BSX: variants seen among roughly 807,000 people sequenced by gnomAD.
BSX encodes brain-specific homeobox protein homolog.
In BSX, 12 loss-of-function variants were observed where a neutral mutation model predicts 16.9. The observed-to-expected ratio is 0.71, with a 90% confidence interval of 0.46 to 1.15. The LOEUF (loss-of-function observed/expected upper bound fraction) is 1.15. Ranked by LOEUF, BSX falls within the 50% of genes most tolerant of loss-of-function variation. The pLI, the probability that BSX is intolerant of heterozygous loss-of-function variation, is 0.00. For synonymous variants in BSX, 160 were observed against 136.4 expected (o/e 1.17, Z -1.20); for missense variants, 292 against 311.8 (o/e 0.94, Z 0.48).
At position 122,979,376 on chromosome 11, in the gene BSX, G is replaced by A. The variant is rs1223340807; in HGVS notation, c.344C>T (p.Thr115Met). The A allele has an allele frequency of 5.0e-6, 8 of 1,613,996 alleles. No individual in the cohort carries two copies. In the South Asian group the frequency reaches 5.5e-5, roughly 11 times the overall value. ...GKHCRRRKAR[T>M]VFSDSQLSGL... ...CGAGAGCTGCGAGTCAGAGAAAACC[G>A]TGCGGGCTTTGCGGCGGCGGCAGTG... Residue 115 changes from threonine to methionine, a missense_variant, in exon 2 of 3, where the codon ACG becomes ATG. Transcript: ENST00000343035.
intron 2 of BSX, among the ~76,000 whole-genome samples, chr11:122,978,342 G>A (rs1210099193): frequency 2.6e-5 from 4 of 152,212 alleles, no homozygotes; most frequent in African/African-American, 9.6e-5. Context: ...TCCGGGTAGA[G>A]ACTATGAAAG....
chr11:122,977,894 G>A lies in BSX; in HGVS notation c.460-3C>T. On this transcript the variant is annotated splice_polypyrimidine_tract_variant and splice_region_variant and intron_variant, in intron 2 of 2. Coordinates refer to ENST00000343035, the MANE Select transcript of BSX (RefSeq NM_001098169.2). This position sits in a 1 kb window ranked among gnomAD's most constrained non-coding sequence, Gnocchi z 4.5. ...CGGTTCTGGAACCACGTTTTCACCTGATTTCGGGGAGATAAAAATAAAATC... is the reference window on the plus strand; with the variant it reads ...CGGTTCTGGAACCACGTTTTCACCTAATTTCGGGGAGATAAAAATAAAATC... The A allele has an allele frequency of 6.2e-7, 1 of 1,613,282 alleles. No individual in the cohort carries two copies. Among genetic ancestry groups the A allele is most frequent in the Non-Finnish European group, 8.5e-7 (1 of 1,179,906 alleles).
intron 2 of BSX, among the ~76,000 whole-genome samples, chr11:122,978,489 G>A (rs762163865): frequency 3.8e-4 from 58 of 152,098 alleles, no homozygotes; most frequent in Non-Finnish European, 6.5e-4. Flanking sequence ...TGGAGCGGAG[G>A]TGCATGTGAA....
rs768352666 is a variant in BSX, at chr11:122,979,447, G to C, written c.273C>G (p.Val91=). 2 of 1,611,834 alleles carry C rather than the reference G, an allele frequency of 1.2e-6. No individual in the cohort carries two copies. Among genetic ancestry groups the C allele is most frequent in the South Asian group, 2.2e-5 (2 of 90,992 alleles). Residue 91 remains valine (V), a synonymous_variant, in exon 2 of 3, where the codon GTC becomes GTG. Coordinates refer to ENST00000343035, the MANE Select transcript of BSX (RefSeq NM_001098169.2). ...PYFLTTSGMP[V]PALFPHPQHA... The stretch of plus-strand genomic sequence containing the variant: ...GCTGCGGGTGCGGGAACAGCGCTGG[G>C]ACTGGCATCCCTGCAGAGAGAAGAG...
In BSX at chr11:122,981,406, T is replaced by C; in HGVS notation, c.262+4A>G. The C allele has an allele frequency of 1.3e-6, 2 of 1,518,458 alleles. No homozygotes were observed. Among genetic ancestry groups the C allele is most frequent in the Non-Finnish European group, 8.9e-7 (1 of 1,126,514 alleles). The allele number at this position is 1,518,458 out of a possible 1,614,324, so 94.1% of individuals were successfully genotyped here. A position where few individuals can be genotyped will look rare whatever the true frequency, so the allele number is the denominator to read the frequency against. ...GCCCATACCTTGAGGTTCCTGTTAC[T>C]TACCCGAGGTGGTGAGGAAATAAGG... On this transcript the variant is annotated splice_donor_region_variant and intron_variant, in intron 1 of 2. Transcript: ENST00000343035.
chr11:122,980,944 G>A (rs1481996454), intron 1 of BSX, among the ~76,000 whole-genome samples: 1 of 152,088 alleles, frequency 6.6e-6, no homozygotes, highest in Non-Finnish European at 1.5e-5. Context: ...CAAATGCTCA[G>A]TGCCTGGAAA....
intron 1 of BSX, among the ~76,000 whole-genome samples, chr11:122,980,619 G>T (rs1864557916): frequency 6.6e-6 from 1 of 152,110 alleles, no homozygotes; most frequent in Admixed American, 6.5e-5. Flanking sequence ...AAAAACCATG[G>T]ATGTGGCCTT....
intron 2 of BSX, among the ~76,000 whole-genome samples, chr11:122,978,737 CT>C (rs1458594329): frequency 6.8e-6 from 1 of 146,276 alleles, no homozygotes; most frequent in East Asian, 2.0e-4. Context: ...AGAAATTTTG[CT>C]TGGGTAAGTA....
chr11:122,979,208 G>A, intron 2 of BSX, 53 bp downstream of exon 2: 2 of 1,519,806 alleles, frequency 1.3e-6, no homozygotes, highest in East Asian at 2.3e-5. Flanking sequence ...ATTAAGACTT[G>A]AAGGCAGAGA....
Position 122,981,782 on chromosome 11 carries a change from CG to C in BSX, c.-112del, listed in dbSNP as rs1565348719. 5.3e-5 allele frequency: 61 copies of C among 1,160,132 alleles called. No individual in the cohort carries two copies. The highest frequency in any genetic ancestry group is 3.9e-4 in the South Asian group (25 of 63,292). The allele number at this position is 1,160,132 out of a possible 1,614,324, so 71.9% of individuals were successfully genotyped here. A position where few individuals can be genotyped will look rare whatever the true frequency, so the allele number is the denominator to read the frequency against. On this transcript the variant is annotated 5_prime_UTR_variant, in exon 1 of 3. Transcript: ENST00000343035. Reference sequence around the variant, plus strand: ...AACCACCCTCCGAGGCTCGAATCTCCGCTGCTCTCTCCCGGGCCTGGGCTAC... The same window carrying C: ...AACCACCCTCCGAGGCTCGAATCTCCCTGCTCTCTCCCGGGCCTGGGCTAC...
chr11:122,981,429 A>C lies in BSX; in HGVS notation c.243T>G (p.Pro81=). The C allele has an allele frequency of 6.5e-7, 1 of 1,544,134 alleles. No individual in the cohort carries two copies. The highest frequency in any genetic ancestry group is 8.8e-7 in the Non-Finnish European group (1 of 1,140,248). ...ACTTACCCGAGGTGGTGAGGAAATA[A>C]GGATGATGGTGGTCTCCCTTATGCA... ...HPLHKGDHHH[P]YFLTTSGMPV... is the part of the protein sequence containing the mutation. Residue 81 remains proline (P), a synonymous_variant, in exon 1 of 3, where the codon CCT becomes CCG. Coordinates refer to ENST00000343035, the MANE Select transcript of BSX (RefSeq NM_001098169.2).
Position 122,977,936 on chromosome 11 carries a change from T to A in BSX, c.460-45A>T. 6.2e-7 allele frequency: 1 copy of A among 1,607,044 alleles called. No individual in the cohort carries two copies. Among genetic ancestry groups the A allele is most frequent in the East Asian group, 2.2e-5 (1 of 44,862 alleles). On this transcript the variant is annotated intron_variant, in intron 2 of 2. Transcript: ENST00000343035. This position sits in a 1 kb window ranked among gnomAD's most constrained non-coding sequence, Gnocchi z 4.5. Reference sequence around the variant, plus strand: ...AATAAAATCATGTCATTCCTCCAAATCTGAGCCATCGCTGGGGTTTAGGAA... The same window carrying A: ...AATAAAATCATGTCATTCCTCCAAAACTGAGCCATCGCTGGGGTTTAGGAA...
chr11:122,979,459 T>C lies in BSX; in HGVS notation c.263-2A>G. ...GGAACAGCGCTGGGACTGGCATCCC[T>C]GCAGAGAGAAGAGCAACCAAGTGGG... is the stretch of plus-strand genomic sequence containing the variant. On this transcript the variant is annotated splice_acceptor_variant, in intron 1 of 2. Coordinates refer to ENST00000343035, the MANE Select transcript of BSX (RefSeq NM_001098169.2). LOFTEE classifies it high-confidence loss of function. 6.2e-7 allele frequency: 1 copy of C among 1,608,806 alleles called. No individual in the cohort carries two copies. The highest frequency in any genetic ancestry group is 2.2e-5 in the East Asian group (1 of 44,808).
At chr11:122,981,322 G>T in intron 1 of BSX, 88 bp downstream of exon 1, 1 of 1,304,046 alleles carries the variant, frequency 7.7e-7, no homozygotes, top group Non-Finnish European at 1.0e-6. Context: ...AGCCAGTCTG[G>T]CCTTTCCTTG....
chr11:122,977,772 C>T lies in BSX; in HGVS notation c.579G>A (p.Glu193=). 7 of 1,613,496 alleles carry T rather than the reference C, an allele frequency of 4.3e-6. No homozygotes were observed. Among genetic ancestry groups the T allele is most frequent in the Non-Finnish European group, 5.9e-6 (7 of 1,179,706 alleles). Residue 193 remains glutamate, a synonymous_variant, in exon 3 of 3, where the codon GAG becomes GAA. Coordinates refer to ENST00000343035, the MANE Select transcript of BSX (RefSeq NM_001098169.2). The surrounding 1 kb of genome is among the most constrained non-coding windows in gnomAD (Gnocchi z 4.5). ...ESPEGSPRGS[E]AATAAEARLS... Reference sequence around the variant, plus strand: ...GCCGAGCCTCGGCGGCGGTGGCGGCCTCTGAACCGCGGGGGCTGCCCTCGG... The same window carrying T: ...GCCGAGCCTCGGCGGCGGTGGCGGCTTCTGAACCGCGGGGGCTGCCCTCGG...
At position 122,981,569 on chromosome 11, in the gene BSX, C is replaced by G; in HGVS notation, c.103G>C (p.Glu35Gln). Reference protein sequence around the residue: ...ILLHKPKPLREVAPDHFASSL... With the variant: ...ILLHKPKPLRQVAPDHFASSL... ...CTGGCGAAATGGTCTGGGGCCACCT[C>G]TCTCAGCGGCTTGGGCTTGTGCAGC... is the stretch of plus-strand genomic sequence containing the variant. The change falls in exon 1 of 3, where the codon GAG becomes CAG. Residue 35 changes from glutamate (E) to glutamine (Q), a missense_variant. Physicochemically the swap from Glu to Gln is conservative, Grantham distance 29 (BLOSUM62 2). Transcript: ENST00000343035. 6.2e-7 allele frequency: 1 copy of G among 1,600,348 alleles called. No individual in the cohort carries two copies. The highest frequency in any genetic ancestry group is 8.5e-7 in the Non-Finnish European group (1 of 1,173,542).
chr11:122,978,949 G>A (rs1480354409), intron 2 of BSX, among the ~76,000 whole-genome samples: 1 of 151,720 alleles, frequency 6.6e-6, no homozygotes, highest in East Asian at 1.9e-4. Flanking sequence ...GGGATTACAG[G>A]CGCGCGCCAC....
Position 122,977,779 on chromosome 11 carries a change from C to T in BSX, c.572G>A (p.Gly191Asp), listed in dbSNP as rs1591410578. The stretch of plus-strand genomic sequence containing the variant: ...CTCGGCGGCGGTGGCGGCCTCTGAA[C>T]CGCGGGGGCTGCCCTCGGGGCTTTC... ...GPESPEGSPR[G>D]SEAATAAEAR... is the part of the protein sequence containing the mutation. The change falls in exon 3 of 3, where the codon GGT becomes GAT. Residue 191 changes from glycine (G) to aspartate (D), a missense_variant. Gly to Asp is a moderately conservative substitution (Grantham distance 94). Around this residue, in one of 3 missense-constraint regions of BSX, gnomAD observed 107 missense variants for 97.1 expected, o/e 1.10. Transcript: ENST00000343035. This position sits in a 1 kb window ranked among gnomAD's most constrained non-coding sequence, Gnocchi z 4.5. 3.1e-6 allele frequency: 5 copies of T among 1,613,544 alleles called. No individual in the cohort carries two copies. The highest frequency in any genetic ancestry group is 1.3e-5 in the African/African-American group (1 of 75,042).
In BSX at chr11:122,980,474, C is replaced by G. The variant is rs566485614; in HGVS notation, c.262+936G>C. Among the ~76,000 whole-genome samples the G allele has an allele frequency of 2.0e-5, 3 of 152,268 alleles. No individual in the cohort carries two copies. The East Asian group carries it at 5.8e-4, about 29-fold the overall frequency. On this transcript the variant is annotated intron_variant, in intron 1 of 2. Coordinates refer to ENST00000343035, the MANE Select transcript of BSX (RefSeq NM_001098169.2). Reference sequence around the variant, plus strand: ...ATTTACAAACACTTTTAGCTTTGTTCTGGATTCCAGCGCGCACAAACTGCC... The same window carrying G: ...ATTTACAAACACTTTTAGCTTTGTTGTGGATTCCAGCGCGCACAAACTGCC...
Sources: allele counts gnomAD v4.1 joint callset (sites outside exome capture counted in the v4.1 genomes callset), GRCh38; gene constraint gnomAD v4.1.1; regional missense constraint gnomAD v4.1.1; non-coding constraint Gnocchi (gnomAD v3.1); transcripts MANE v1.5; gene names NCBI Gene and HGNC (gene_info 2026-07-23, HGNC 2026-07-21).